ZBTB16: variants seen among roughly 807,000 people sequenced by gnomAD.
ZBTB16 encodes the protein zinc finger and BTB domain containing 16.
Under a neutral mutation model 56.8 loss-of-function variants are expected in ZBTB16, and 8 were observed. That is an observed-to-expected ratio of 0.14 (90% CI 0.08 to 0.25). ZBTB16 has a LOEUF of 0.25. Among genes scored for constraint, ZBTB16 ranks in the 10% least tolerant of loss-of-function variants. The pLI is 1.00. For synonymous variants in ZBTB16, 363 were observed against 368.5 expected (o/e 0.98, Z 0.17); for missense variants, 625 against 903.0 (o/e 0.69, Z 3.95).
At chr11:114,121,468 C>T (rs1321365801) in intron 2 of ZBTB16, among the ~76,000 whole-genome samples, 1 of 152,182 alleles carries the variant, frequency 6.6e-6, no homozygotes, top group Non-Finnish European at 1.5e-5. Flanking sequence ...GCTGTGTCGT[C>T]TTTCTTATTC....
In ZBTB16 at chr11:114,063,743, G is replaced by T. The variant is rs763360681; in HGVS notation, c.443G>T (p.Arg148Leu). The T allele has an allele frequency of 1.9e-6, 3 of 1,613,918 alleles. No homozygotes were observed. In the Admixed American group the frequency reaches 5.0e-5, roughly 27 times the overall value. ...ADGGAEEEED[R>L]KARYLKNIFI... ...GGCGGGGCCGAGGAAGAAGAGGACC[G>T]CAAGGCTCGGTACCTCAAGAACATC... Residue 148 changes from arginine to leucine, a missense_variant, in exon 2 of 7, where the codon CGC becomes CTC. By Grantham distance (102) the Arg-to-Leu change is moderately radical (BLOSUM62 -2). Coordinates refer to ENST00000335953, the MANE Select transcript of ZBTB16 (RefSeq NM_006006.6). This position sits in a 1 kb window ranked among gnomAD's most constrained non-coding sequence, Gnocchi z 6.5.
At chr11:114,222,726 G>A (rs1044043733) in intron 4 of ZBTB16, among the ~76,000 whole-genome samples, 5 of 152,146 alleles carry the variant, frequency 3.3e-5, no homozygotes, top group Non-Finnish European at 7.4e-5. Flanking sequence ...CATGATTTCT[G>A]AGCATGCTAG....
intron 5 of ZBTB16, chr11:114,246,710 A>G (rs139114989): frequency 1.1e-3 from 192 of 172,676 alleles, no homozygotes; most frequent in African/African-American, 4.5e-3. Context: ...GAGCAGAGGA[A>G]ACAGCTATGT....
At position 114,141,446 on chromosome 11, in the gene ZBTB16, A is replaced by C. The variant is rs777948131; in HGVS notation, c.1269-14891A>C. Among the ~76,000 whole-genome samples, 11 of 152,132 alleles carry C rather than the reference A, an allele frequency of 7.2e-5. No homozygotes were observed. In the South Asian group the frequency reaches 1.0e-3, roughly 14 times the overall value. On this transcript the variant is annotated intron_variant, in intron 2 of 6. Coordinates refer to ENST00000335953, the MANE Select transcript of ZBTB16 (RefSeq NM_006006.6). Reference sequence around the variant, plus strand: ...CTCCATCTCTGTCTTGTTGTCCACTAGGTTATGGACTGGCCAGGGACAGGG... The same window carrying C: ...CTCCATCTCTGTCTTGTTGTCCACTCGGTTATGGACTGGCCAGGGACAGGG...
chr11:114,140,147 T>C (rs981821113), intron 2 of ZBTB16, among the ~76,000 whole-genome samples: 4 of 152,208 alleles, frequency 2.6e-5, no homozygotes, highest in Non-Finnish European at 4.4e-5. Context: ...TGCCCCTTTT[T>C]CTGGAATGAT....
intron 4 of ZBTB16, among the ~76,000 whole-genome samples, chr11:114,190,217 AATGTT>A: frequency 6.6e-6 from 1 of 152,210 alleles, no homozygotes; most frequent in East Asian, 1.9e-4. Context: ...GAGTGATGAA[AATGTT>A]CTAAAATTGA....
At position 114,252,878 on chromosome 11, in the gene ZBTB16, G is replaced by A. The variant is rs920347982; in HGVS notation, c.*2323G>A. ...TGTGTGTTGGGAGGATGTGAATTGG[G>A]AGGACGGTGTCACTAGACTGTGGAT... On this transcript the variant is annotated 3_prime_UTR_variant, in exon 7 of 7. Coordinates refer to ENST00000335953, the MANE Select transcript of ZBTB16 (RefSeq NM_006006.6). Among the ~76,000 whole-genome samples, 1 of 152,224 alleles carries A rather than the reference G, an allele frequency of 6.6e-6. No individual in the cohort carries two copies. The highest frequency in any genetic ancestry group is 1.5e-5 in the Non-Finnish European group (1 of 68,040).
intron 2 of ZBTB16, among the ~76,000 whole-genome samples, chr11:114,068,589 C>T (rs1200356219): frequency 1.3e-5 from 2 of 152,308 alleles, no homozygotes; most frequent in Admixed American, 6.5e-5. Flanking sequence ...AGAAGGAAGT[C>T]AGAACAGTGG....
intron 4 of ZBTB16, among the ~76,000 whole-genome samples, chr11:114,201,390 T>A (rs1211686466): frequency 6.6e-6 from 1 of 152,124 alleles, no homozygotes; most frequent in Non-Finnish European, 1.5e-5. Context: ...CCAGGGTTGC[T>A]CCCTGAGGAA....
chr11:114,074,841 G>A (rs1285652747), intron 2 of ZBTB16, among the ~76,000 whole-genome samples: 1 of 152,254 alleles, frequency 6.6e-6, no homozygotes, highest in African/African-American at 2.4e-5. Context: ...ACCCTGTGCA[G>A]GATGCTTGGG....
At chr11:114,118,774 G>T (rs895402092) in intron 2 of ZBTB16, among the ~76,000 whole-genome samples, 4 of 152,142 alleles carry the variant, frequency 2.6e-5, no homozygotes, top group African/African-American at 9.7e-5. Context: ...TGAGTGAGGG[G>T]TTATGAAGAG....
chr11:114,062,913 A>G (rs978642444), intron 1 of ZBTB16, among the ~76,000 whole-genome samples: 1 of 152,234 alleles, frequency 6.6e-6, no homozygotes, highest in African/African-American at 2.4e-5. Flanking sequence ...CTGAGGACTT[A>G]TAGGACTTCA....
At chr11:114,245,260 C>T (rs1051896690) in intron 5 of ZBTB16, among the ~76,000 whole-genome samples, 1 of 152,208 alleles carries the variant, frequency 6.6e-6, no homozygotes, top group African/African-American at 2.4e-5. Flanking sequence ...GGGCCTTGGC[C>T]CATCCCCAGA....
chr11:114,087,961 A>G (rs1940022176), intron 2 of ZBTB16, among the ~76,000 whole-genome samples: 1 of 151,976 alleles, frequency 6.6e-6, no homozygotes, highest in African/African-American at 2.4e-5. Context: ...TTCCCTTCCC[A>G]TGCCATATCC....
intron 2 of ZBTB16, among the ~76,000 whole-genome samples, chr11:114,098,946 C>T (rs1020469699): frequency 2.6e-5 from 4 of 152,188 alleles, no homozygotes; most frequent in African/African-American, 9.7e-5. Context: ...GCTTCTATGG[C>T]ACTGCCGAAT....
intron 2 of ZBTB16, among the ~76,000 whole-genome samples, chr11:114,091,367 C>G (rs926444209): frequency 6.6e-6 from 1 of 151,776 alleles, no homozygotes; most frequent in African/African-American, 2.4e-5. Context: ...AAAACAACAA[C>G]AAAAAAAGCA....
intron 2 of ZBTB16, among the ~76,000 whole-genome samples, chr11:114,151,341 C>T (rs1942273860): frequency 6.6e-6 from 1 of 152,124 alleles, no homozygotes; most frequent in African/African-American, 2.4e-5. Flanking sequence ...AGTGTTGGTT[C>T]AGAGGATGGC....
At chr11:114,155,472 G>A (rs978754888) in intron 2 of ZBTB16, among the ~76,000 whole-genome samples, 1 of 151,754 alleles carries the variant, frequency 6.6e-6, no homozygotes. Flanking sequence ...TTGGGGGTTG[G>A]GAGTTGGGAT....
Position 114,144,094 on chromosome 11 carries a change from C to T in ZBTB16, c.1269-12243C>T, listed in dbSNP as rs182792620. Among the ~76,000 whole-genome samples the T allele has an allele frequency of 2.2e-3, 340 of 152,194 alleles. 3 individuals carry two copies. Among genetic ancestry groups the T allele is most frequent in the Non-Finnish European group, 1.2e-3 (80 of 68,014 alleles). On this transcript the variant is annotated intron_variant, in intron 2 of 6. Coordinates refer to ENST00000335953, the MANE Select transcript of ZBTB16 (RefSeq NM_006006.6). ...TTTTCCTTTTATCTCCATGCCCACA[C>T]GCTTGGACCGTCTCAGCATTGATAA...
Sources: allele counts gnomAD v4.1 joint callset (sites outside exome capture counted in the v4.1 genomes callset), GRCh38; gene constraint gnomAD v4.1.1; non-coding constraint Gnocchi (gnomAD v3.1); transcripts MANE v1.5; gene names NCBI Gene and HGNC (gene_info 2026-07-23, HGNC 2026-07-21).